The following EXOC2 variants were observed in gnomAD, a reference collection of about 807,000 sequenced individuals.
EXOC2 encodes the protein SEC5-like 1.
A neutral mutation model predicts 131.8 loss-of-function variants in EXOC2; 70 were observed. The ratio of observed to expected loss-of-function variants is 0.53; its 90% CI spans 0.44 to 0.65. EXOC2 has a LOEUF of 0.65. Ranked by LOEUF, EXOC2 falls within the 30% of genes least tolerant of loss-of-function variation. EXOC2 has a pLI of 0.00. For missense variants in EXOC2, 923 were observed against 1,108.6 expected (o/e 0.83, Z 2.38); for synonymous variants, 411 against 398.4 (o/e 1.03, Z -0.38).
intron 11 of EXOC2, among the ~76,000 whole-genome samples, chr6:590,577 G>A (rs1759485780): frequency 6.6e-6 from 1 of 152,140 alleles, no homozygotes; most frequent in Non-Finnish European, 1.5e-5. Flanking sequence ...CCAGTTAGGG[G>A]CTCAGGTCTC....
In EXOC2 at chr6:497,507, G is replaced by A; in HGVS notation, c.2437-18C>T. On this transcript the variant is annotated intron_variant, in intron 24 of 27. Coordinates refer to ENST00000230449, the MANE Select transcript of EXOC2 (RefSeq NM_018303.6). ...GTGAACACCTGGTTTGAAATAGGAAGACATGGTGCTTTGTGGGGCTTTTTG... is the reference window on the plus strand; with the variant it reads ...GTGAACACCTGGTTTGAAATAGGAAAACATGGTGCTTTGTGGGGCTTTTTG... The A allele has an allele frequency of 1.2e-6, 2 of 1,602,378 alleles. No individual in the cohort carries two copies.
At chr6:553,989 C>G in intron 20 of EXOC2, 69 bp from the exon 21 acceptor site, 10 of 1,232,360 alleles carry the variant, frequency 8.1e-6, no homozygotes, top group Non-Finnish European at 1.1e-5. Flanking sequence ...ATGAACTATA[C>G]GCAAATTTAA....
intron 1 of EXOC2, among the ~76,000 whole-genome samples, chr6:676,544 G>A (rs372197471): frequency 8.2e-5 from 1 of 12,170 alleles, no homozygotes; most frequent in African/African-American, 2.4e-4. Context: ...TCAACATTAC[G>A]GAAAGGACAG....
intron 25 of EXOC2, among the ~76,000 whole-genome samples, chr6:492,889 G>C (rs1253638424): frequency 6.6e-6 from 1 of 152,120 alleles, no homozygotes. Flanking sequence ...TTCTATTGTA[G>C]ACAGATCGTA....
intron 11 of EXOC2, among the ~76,000 whole-genome samples, chr6:584,326 G>A (rs112952931): frequency 0.033 from 5,024 of 152,128 alleles, 289 homozygotes; most frequent in African/African-American, 0.11. Flanking sequence ...AAATATGTAC[G>A]TAAAGGTCCT....
At chr6:640,945 A>G (rs1252763473) in intron 1 of EXOC2, among the ~76,000 whole-genome samples, 1 of 152,088 alleles carries the variant, frequency 6.6e-6, no homozygotes, top group Non-Finnish European at 1.5e-5. Context: ...ATCGAGAGAA[A>G]TTTTTTACCC....
At chr6:595,687 T>C (rs1759774564) in intron 10 of EXOC2, among the ~76,000 whole-genome samples, 1 of 152,078 alleles carries the variant, frequency 6.6e-6, no homozygotes, top group South Asian at 2.1e-4. Context: ...AACACACTAC[T>C]ATAGGCAAGT....
chr6:579,129 A>G (rs1758746297), intron 11 of EXOC2, among the ~76,000 whole-genome samples: 1 of 152,162 alleles, frequency 6.6e-6, no homozygotes, highest in Non-Finnish European at 1.5e-5. Context: ...TTAAGAAGGA[A>G]AACACTTCCT....
At chr6:519,083 G>C (rs1199241973) in intron 23 of EXOC2, among the ~76,000 whole-genome samples, 1 of 144,732 alleles carries the variant, frequency 6.9e-6, no homozygotes, top group Non-Finnish European at 1.5e-5. Flanking sequence ...CACCCACCGA[G>C]CGCCGACACT....
Position 506,272 on chromosome 6 carries a change from T to C in EXOC2, c.2381-6572A>G, listed in dbSNP as rs899640293. 2.0e-5 allele frequency among the ~76,000 whole-genome samples: 3 copies of C among 152,228 alleles called. No individual in the cohort carries two copies. The highest frequency in any genetic ancestry group is 4.4e-5 in the Non-Finnish European group (3 of 68,048). On this transcript the variant is annotated intron_variant, in intron 23 of 27. Coordinates refer to ENST00000230449, the MANE Select transcript of EXOC2 (RefSeq NM_018303.6). The surrounding 1 kb of genome is among the most constrained non-coding windows in gnomAD (Gnocchi z 4.4). ...CCGCACGTGCTGGATATTAGGAAGA[T>C]GTCCAGGTATATCAGGATGGAGTGA...
At chr6:490,675 CAG>C (rs1288859683) in intron 26 of EXOC2, among the ~76,000 whole-genome samples, 1 of 152,208 alleles carries the variant, frequency 6.6e-6, no homozygotes, top group Non-Finnish European at 1.5e-5. Context: ...CACAGACAAA[CAG>C]TAGTTCTGCT....
At chr6:666,512 G>A (rs1763650736) in intron 1 of EXOC2, among the ~76,000 whole-genome samples, 1 of 97,022 alleles carries the variant, frequency 1.0e-5, no homozygotes, top group African/African-American at 3.1e-5. Flanking sequence ...GTGCTTTACT[G>A]TTTTGTTTTG....
At chr6:643,880 T>C (rs1315725725) in intron 1 of EXOC2, among the ~76,000 whole-genome samples, 2 of 152,082 alleles carry the variant, frequency 1.3e-5, no homozygotes, top group East Asian at 1.9e-4. Flanking sequence ...GACATTTAAA[T>C]AGCAATAAAG....
Position 654,803 on chromosome 6 carries a change from CAAAAAAAAAAAAAAA to C in EXOC2, c.-43-16957_-43-16943del, listed in dbSNP as rs66637987. On this transcript the variant is annotated intron_variant, in intron 1 of 27. Coordinates refer to ENST00000230449, the MANE Select transcript of EXOC2 (RefSeq NM_018303.6). ...TGGGTGACAGAGTAAGACCCTGTCT[CAAAAAAAAAAAAAAA>C]AAAAAAAAAAAAAAAAAAAGTAGAG... Among the ~76,000 whole-genome samples, 106 of 29,586 alleles carry C rather than the reference CAAAAAAAAAAAAAAA, an allele frequency of 3.6e-3. 3 individuals are homozygous for C. Among genetic ancestry groups the C allele is most frequent in the Admixed American group, 8.8e-3 (16 of 1,826 alleles). The allele number at this position is 29,586 out of a possible 152,430, so 19.4% of individuals were successfully genotyped here.
At chr6:555,146 T>C (rs1452477005) in intron 20 of EXOC2, 81 bp downstream of exon 20, 1 of 741,124 alleles carries the variant, frequency 1.3e-6, no homozygotes, top group Admixed American at 3.2e-5. Context: ...AGTCTTAGGA[T>C]ATAAGACCAA....
At chr6:691,909 C>T (rs994926847) in intron 1 of EXOC2, among the ~76,000 whole-genome samples, 3 of 152,126 alleles carry the variant, frequency 2.0e-5, no homozygotes, top group African/African-American at 7.2e-5. Flanking sequence ...CACACATCAC[C>T]CTCTTTCTAT....
intron 23 of EXOC2, among the ~76,000 whole-genome samples, chr6:511,940 G>A (rs1764872444): frequency 6.6e-6 from 1 of 152,196 alleles, no homozygotes; most frequent in South Asian, 2.1e-4. Flanking sequence ...ACACTGTTGT[G>A]CAGATGCTTT....
intron 27 of EXOC2, 122 bp from the exon 28 acceptor site, chr6:486,886 A>G (rs112313274): frequency 1.5e-6 from 1 of 661,014 alleles, no homozygotes; most frequent in Non-Finnish European, 2.6e-6. Context: ...AGGCAGCTGA[A>G]AAGTTCTACC....
At chr6:664,936 C>G (rs939107298) in intron 1 of EXOC2, among the ~76,000 whole-genome samples, 1 of 152,018 alleles carries the variant, frequency 6.6e-6, no homozygotes, top group Non-Finnish European at 1.5e-5. Flanking sequence ...AGATAAATAG[C>G]TGGGACCTAA....
Sources: allele counts gnomAD v4.1 joint callset (sites outside exome capture counted in the v4.1 genomes callset), GRCh38; gene constraint gnomAD v4.1.1; non-coding constraint Gnocchi (gnomAD v3.1); transcripts MANE v1.5; gene names NCBI Gene and HGNC (gene_info 2026-07-23, HGNC 2026-07-21).